U2SURP: variants seen among roughly 807,000 people sequenced by gnomAD.
U2SURP encodes the protein U2 snRNP associated SURP domain containing.
Under a neutral mutation model 144.9 loss-of-function variants are expected in U2SURP, and 9 were observed. The ratio of observed to expected loss-of-function variants is 0.06; its 90% CI spans 0.04 to 0.11. The LOEUF (loss-of-function observed/expected upper bound fraction) is 0.11, where lower values mean the gene tolerates loss of function less well. U2SURP is among the 10% of genes least tolerant of loss of function. U2SURP has a pLI of 1.00. For missense variants in U2SURP, 724 were observed against 1,226.7 expected, an observed-to-expected ratio of 0.59 and a Z score of 6.12; for synonymous variants, 408 against 396.8, an observed-to-expected ratio of 1.03 and a Z score of -0.33.
chr3:143,010,545 A>G (rs1156555177), intron 1 of U2SURP, among the ~76,000 whole-genome samples: 2 of 152,244 alleles, frequency 1.3e-5, no homozygotes, highest in East Asian at 3.8e-4. Context: ...TTTCCAGTGT[A>G]TACTATAAAG....
chr3:143,012,461 T>C, intron 3 of U2SURP, 108 bp downstream of exon 3: 1 of 1,091,110 alleles, frequency 9.2e-7, no homozygotes, highest in Non-Finnish European at 1.2e-6. Context: ...GTGTTTCATC[T>C]TATTCTATTT....
At chr3:143,050,332 C>CAA (rs1242264247) in intron 24 of U2SURP, among the ~76,000 whole-genome samples, 4 of 152,336 alleles carry the variant, frequency 2.6e-5, no homozygotes, top group African/African-American at 9.6e-5. Context: ...CTCGGCCTCC[C>CAA]AAAGTGCTGG....
In U2SURP at chr3:143,039,049, GA is replaced by G. The variant is rs1246418847; in HGVS notation, c.2384+93del. On this transcript the variant is annotated intron_variant, in intron 23 of 27. Transcript: ENST00000473835. The stretch of plus-strand genomic sequence containing the variant: ...ATATAGTTGAAATAATAGTGAAGTG[GA>G]AAACTTCACTCTTAAAAAATTTTGG... 1.2e-5 allele frequency: 12 copies of G among 964,796 alleles called. No individual in the cohort carries two copies. The African/African-American group carries it at 2.1e-4, about 17-fold the overall frequency. 59.8% of individuals were successfully genotyped at this position (964,796 alleles called of 1,614,324 possible). A position where few individuals can be genotyped will look rare whatever the true frequency, so the allele number is the denominator to read the frequency against.
At chr3:143,041,065 CA>C (rs139846090) in intron 23 of U2SURP, among the ~76,000 whole-genome samples, 7 of 148,874 alleles carry the variant, frequency 4.7e-5, no homozygotes, top group African/African-American at 7.4e-5. Flanking sequence ...TTTGAAATTG[CA>C]AAAAAAAATT....
At chr3:143,032,113 C>G (rs1202435949) in intron 16 of U2SURP, among the ~76,000 whole-genome samples, 6 of 151,702 alleles carry the variant, frequency 4.0e-5, no homozygotes, top group Admixed American at 3.9e-4. Flanking sequence ...TGCTGTGTCA[C>G]CCAGGCTGGC....
intron 24 of U2SURP, among the ~76,000 whole-genome samples, chr3:143,050,377 C>G (rs947914574): frequency 3.3e-5 from 5 of 152,136 alleles, no homozygotes; most frequent in Non-Finnish European, 7.4e-5. Flanking sequence ...CCGGCCTGGT[C>G]TGTTTTAATC....
chr3:143,007,084 G>A (rs1275449343), intron 1 of U2SURP, among the ~76,000 whole-genome samples: 2 of 152,182 alleles, frequency 1.3e-5, no homozygotes, highest in African/African-American at 4.8e-5. Flanking sequence ...GCAACAGGTA[G>A]TGTAGTTGGC....
chr3:143,022,915 C>A lies in U2SURP; in HGVS notation c.1081C>A (p.His361Asn). 1.2e-6 allele frequency: 2 copies of A among 1,612,390 alleles called. No homozygotes were observed. The highest frequency in any genetic ancestry group is 1.7e-6 in the Non-Finnish European group (2 of 1,179,326). ...GWGKAVPIPP[H>N]PIYIPPSMME... The stretch of plus-strand genomic sequence containing the variant: ...GGGTAAAGCTGTACCTATTCCTCCA[C>A]ATCCAATATACATTCCGCCTTCTAT... The change falls in exon 12 of 28, where the codon CAT becomes AAT. Residue 361 changes from histidine (H) to asparagine (N), a missense_variant. By Grantham distance (68) the His-to-Asn change is moderately conservative (BLOSUM62 1). Around this residue, in one of 13 missense-constraint regions of U2SURP, gnomAD observed 64 missense variants for 164.1 expected, o/e 0.39. Transcript: ENST00000473835.
At chr3:143,040,865 C>T (rs1934065844) in intron 23 of U2SURP, among the ~76,000 whole-genome samples, 1 of 151,836 alleles carries the variant, frequency 6.6e-6, no homozygotes, top group Non-Finnish European at 1.5e-5. Context: ...TAGACCCTTT[C>T]TGTGTGTATA....
intron 1 of U2SURP, among the ~76,000 whole-genome samples, chr3:143,006,432 T>A (rs1291183091): frequency 2.0e-5 from 3 of 152,088 alleles, no homozygotes; most frequent in Admixed American, 6.5e-5. Flanking sequence ...GTGCTTGATG[T>A]TGAGTTAGAA....
chr3:143,039,285 G>A (rs1468579263), intron 23 of U2SURP, among the ~76,000 whole-genome samples: 2 of 151,786 alleles, frequency 1.3e-5, no homozygotes, highest in African/African-American at 4.8e-5. Flanking sequence ...TTTTTAAAAT[G>A]TGAATAGGAA....
chr3:143,045,855 C>T (rs960001435), intron 24 of U2SURP, among the ~76,000 whole-genome samples: 23 of 152,154 alleles, frequency 1.5e-4, no homozygotes, highest in African/African-American at 5.6e-4. Context: ...CTTGTGTTTC[C>T]TCTGAGAGAT....
intron 19 of U2SURP, among the ~76,000 whole-genome samples, chr3:143,035,270 T>C (rs973149413): frequency 6.6e-6 from 1 of 152,176 alleles, no homozygotes; most frequent in African/African-American, 2.4e-5. Context: ...TATATACTAT[T>C]TGGCTGGATT....
At chr3:143,020,243 T>C (rs1208139879) in intron 7 of U2SURP, among the ~76,000 whole-genome samples, 1 of 152,206 alleles carries the variant, frequency 6.6e-6, no homozygotes, top group Non-Finnish European at 1.5e-5. Flanking sequence ...ATTACGAGGA[T>C]TCAGTTCAAT....
intron 2 of U2SURP, 188 bp from the exon 3 acceptor site, chr3:143,012,034 G>A (rs13081800): frequency 2.7e-6 from 2 of 729,400 alleles, no homozygotes. Flanking sequence ...GTGAGTTAGA[G>A]TTATTGAAAA....
At chr3:143,008,756 T>C (rs556494125) in intron 1 of U2SURP, among the ~76,000 whole-genome samples, 3 of 152,354 alleles carry the variant, frequency 2.0e-5, no homozygotes, top group South Asian at 4.1e-4. Flanking sequence ...TGGAAGGCAA[T>C]TGAGTTTTTT....
chr3:143,043,519 T>C (rs1379236468), intron 24 of U2SURP, among the ~76,000 whole-genome samples: 1 of 152,160 alleles, frequency 6.6e-6, no homozygotes, highest in Non-Finnish European at 1.5e-5. Flanking sequence ...TTATATGTAT[T>C]GTGGGGTATG....
intron 16 of U2SURP, among the ~76,000 whole-genome samples, chr3:143,031,040 G>A (rs1933453603): frequency 6.6e-6 from 1 of 152,194 alleles, no homozygotes; most frequent in Non-Finnish European, 1.5e-5. Context: ...GGTAGAAATA[G>A]CAAGGGAACT....
intron 24 of U2SURP, among the ~76,000 whole-genome samples, chr3:143,048,978 G>T (rs762130227): frequency 6.6e-6 from 1 of 151,540 alleles, no homozygotes; most frequent in Non-Finnish European, 1.5e-5. Context: ...CTTGGGGCCG[G>T]GCATGGCGGC....
Sources: gnomAD v4.1 joint callset for allele counts (sites outside exome capture counted in the v4.1 genomes callset) on GRCh38, gnomAD v4.1.1 for gene constraint, gnomAD v4.1.1 regional missense constraint, MANE v1.5 for transcripts, NCBI Gene and HGNC (gene_info 2026-07-23, HGNC 2026-07-21) for gene names.